The following CACNA2D4 variants were observed in gnomAD, a reference collection of about 807,000 sequenced individuals.
The protein encoded by CACNA2D4 is calcium voltage-gated channel auxiliary subunit alpha2delta 4.
A neutral mutation model predicts 163.8 loss-of-function variants in CACNA2D4; 157 were observed. The observed-to-expected ratio is 0.96, with a 90% CI of 0.84 to 1.09. The LOEUF (loss-of-function observed/expected upper bound fraction) is 1.09, where lower values mean the gene tolerates loss of function less well. Ranked by LOEUF, CACNA2D4 falls within the 50% of genes least tolerant of loss-of-function variation. The pLI is 0.00. For missense variants in CACNA2D4, 1,410 were observed against 1,479.9 expected (o/e 0.95, Z 0.78); for synonymous variants, 598 against 586.9 (o/e 1.02, Z -0.27).
At chr12:1,831,618 G>A in intron 26 of CACNA2D4, 1 of 1,125,754 alleles carries the variant, frequency 8.9e-7, no homozygotes, top group Non-Finnish European at 1.3e-6. Flanking sequence ...CTGACTCAGA[G>A]AGCAGGCCAG....
rs545376057 is a variant in CACNA2D4 at position 1,795,240 on chromosome 12, A to C, written c.3309+59T>G. 51 of 1,492,648 alleles carry C rather than the reference A, an allele frequency of 3.4e-5. No individual in the cohort carries two copies. In the East Asian group the frequency reaches 8.1e-4, roughly 24 times the overall value. 92.5% of individuals were successfully genotyped at this position (1,492,648 alleles called of 1,614,324 possible). A position where few individuals can be genotyped will look rare whatever the true frequency, so the allele number is the denominator to read the frequency against. Reference sequence around the variant, plus strand: ...CTCCTGTCTGCAGGGGCACAGACCCAGGCACAGAGGGTTTGGGGATGAAAA... The same window carrying C: ...CTCCTGTCTGCAGGGGCACAGACCCCGGCACAGAGGGTTTGGGGATGAAAA... On this transcript the variant is annotated intron_variant, in intron 37 of 37. Coordinates refer to ENST00000382722, the MANE Select transcript of CACNA2D4 (RefSeq NM_172364.5).
At position 1,918,322 on chromosome 12, in the gene CACNA2D4, G is replaced by A. The variant is rs780865376; in HGVS notation, c.152C>T (p.Ser51Leu). 21 of 1,609,604 alleles carry A rather than the reference G, an allele frequency of 1.3e-5. No individual in the cohort carries two copies. The Admixed American group carries it at 2.4e-4, about 18-fold the overall frequency. ...PVAWAFVQKT[S>L]ALLWLLLLGT... ...TAGAAGCAGCAGCCACAGGAGGGCCGAGGTCTTCTGCACAAAGGCCCAGGC... is the reference window on the plus strand; with the variant it reads ...TAGAAGCAGCAGCCACAGGAGGGCCAAGGTCTTCTGCACAAAGGCCCAGGC... The change falls in exon 1 of 38, where the codon TCG becomes TTG. Residue 51 changes from serine (S) to leucine (L), a missense_variant. By Grantham distance (145) the Ser-to-Leu change is moderately radical. Coordinates refer to ENST00000382722, the MANE Select transcript of CACNA2D4 (RefSeq NM_172364.5).
rs1433945931 is a variant in CACNA2D4 at position 1,828,042 on chromosome 12, G to A, written c.2551+12697C>T. 3.8e-5 allele frequency: 41 copies of A among 1,079,014 alleles called. No individual in the cohort carries two copies. Among genetic ancestry groups the A allele is most frequent in the East Asian group, 9.0e-5 (3 of 33,414 alleles). The allele number at this position is 1,079,014 out of a possible 1,614,324, so 66.8% of individuals were successfully genotyped here. A position where few individuals can be genotyped will look rare whatever the true frequency, so the allele number is the denominator to read the frequency against. On this transcript the variant is annotated intron_variant, in intron 26 of 37. Transcript: ENST00000382722. The surrounding 1 kb of genome is among the most constrained non-coding windows in gnomAD (Gnocchi z 4.2). ...CCCTGGGCTGGAACGGGGCTCCCGC[G>A]CCTGCCTGTGCTCAGTGCTCCTCCC...
In CACNA2D4 at chr12:1,834,306, A is replaced by T. The variant is rs758974643; in HGVS notation, c.2551+6433T>A. On this transcript the variant is annotated intron_variant, in intron 26 of 37. Coordinates refer to ENST00000382722, the MANE Select transcript of CACNA2D4 (RefSeq NM_172364.5). This position sits in a 1 kb window ranked among gnomAD's most constrained non-coding sequence, Gnocchi z 7.6. The stretch of plus-strand genomic sequence containing the variant: ...CAGCTTGCCTGCACCCTGCCCAAGG[A>T]GCTGAGGGGGAAGGACATGCGGATG... 1.9e-6 allele frequency: 3 copies of T among 1,604,762 alleles called. No individual in the cohort carries two copies. Among genetic ancestry groups the T allele is most frequent in the Non-Finnish European group, 2.6e-6 (3 of 1,174,780 alleles).
At chr12:1,893,008 G>A (rs1019495717) in intron 6 of CACNA2D4, among the ~76,000 whole-genome samples, 1 of 152,116 alleles carries the variant, frequency 6.6e-6, no homozygotes, top group Non-Finnish European at 1.5e-5. Context: ...AATATTATTA[G>A]ATCTAAAGGG....
intron 25 of CACNA2D4, among the ~76,000 whole-genome samples, chr12:1,842,118 G>C (rs551859569): frequency 6.6e-6 from 1 of 152,322 alleles, no homozygotes; most frequent in South Asian, 2.1e-4. Flanking sequence ...AGACCCTAAT[G>C]AGGCAGTCTC....
At chr12:1,912,266 G>T (rs1866843755) in intron 3 of CACNA2D4, among the ~76,000 whole-genome samples, 1 of 152,170 alleles carries the variant, frequency 6.6e-6, no homozygotes, top group African/African-American at 2.4e-5. Flanking sequence ...CACTGGTCTT[G>T]GATGGTCCGA....
In CACNA2D4 at chr12:1,805,213, G is replaced by A. The variant is rs3741972; in HGVS notation, c.2722-3569C>T. On this transcript the variant is annotated intron_variant, in intron 29 of 37. Transcript: ENST00000382722. ...TGCCTGGCCTTCGAGTCTGGAGGGA[G>A]GCCAGGAGGAGGAGGTCCTGTGAGC... is the stretch of plus-strand genomic sequence containing the variant. Among the ~76,000 whole-genome samples, 11 of 152,314 alleles carry A rather than the reference G, an allele frequency of 7.2e-5. No individual in the cohort carries two copies. The East Asian group carries it at 2.1e-3, about 29-fold the overall frequency.
At chr12:1,831,153 C>T (rs1289637010) in intron 26 of CACNA2D4, 9 of 1,613,962 alleles carry the variant, frequency 5.6e-6, no homozygotes, top group East Asian at 2.2e-5. Context: ...CAGCCTGCAG[C>T]GGTTGGACCT....
intron 6 of CACNA2D4, among the ~76,000 whole-genome samples, chr12:1,907,174 G>C (rs1866679736): frequency 6.6e-6 from 1 of 152,230 alleles, no homozygotes; most frequent in Non-Finnish European, 1.5e-5. Flanking sequence ...ACTTTTCATG[G>C]GACAGGAGCT....
At chr12:1,871,203 CAT>C (rs1405442401) in intron 18 of CACNA2D4, among the ~76,000 whole-genome samples, 4 of 135,888 alleles carry the variant, frequency 2.9e-5, no homozygotes, top group South Asian at 2.4e-4. Flanking sequence ...GGTGTGTGTA[CAT>C]GTGTGTGCTT....
At position 1,793,740 on chromosome 12, in the gene CACNA2D4, C is replaced by T. The variant is rs780254909; in HGVS notation, c.3329G>A (p.Gly1110Asp). ...FHPEENAQDC[G>D]GASDTSASPP... is the part of the protein sequence containing the mutation. ...CGAGGCTGAGGTGTCCGAGGCGCCG[C>T]CGCAGTCCTGGGCATTCTCCTGCGA... The change falls in exon 38 of 38, where the codon GGC becomes GAC. Residue 1110 changes from glycine (G) to aspartate (D), a missense_variant. Coordinates refer to ENST00000382722, the MANE Select transcript of CACNA2D4 (RefSeq NM_172364.5). 1.3e-5 allele frequency: 21 copies of T among 1,613,130 alleles called. No individual in the cohort carries two copies. The highest frequency in any genetic ancestry group is 1.7e-4 in the Middle Eastern group (1 of 5,988).
In CACNA2D4 at chr12:1,811,726, A is replaced by G. The variant is rs754626893; in HGVS notation, c.2552-3T>C. On this transcript the variant is annotated splice_polypyrimidine_tract_variant and splice_region_variant and intron_variant, in intron 26 of 37. Coordinates refer to ENST00000382722, the MANE Select transcript of CACNA2D4 (RefSeq NM_172364.5). ...CAGCTTCATTTGGACGCCCGCGGCTACAGGGCAGAAAGAGAGAGGGCAAGG... is the reference window on the plus strand; with the variant it reads ...CAGCTTCATTTGGACGCCCGCGGCTGCAGGGCAGAAAGAGAGAGGGCAAGG... 40 of 1,558,480 alleles carry G rather than the reference A, an allele frequency of 2.6e-5. No individual in the cohort carries two copies. The East Asian group carries it at 9.4e-4, about 37-fold the overall frequency.
At chr12:1,817,332 G>A (rs1863908224) in intron 26 of CACNA2D4, among the ~76,000 whole-genome samples, 1 of 152,156 alleles carries the variant, frequency 6.6e-6, no homozygotes, top group Non-Finnish European at 1.5e-5. Context: ...GTCCCCTGAT[G>A]CCCAGTCTTG....
rs895524492 is a variant in CACNA2D4, at chr12:1,843,561, G to A, written c.2470+841C>T. ...GCACTCACCTGGTGGAGGGGTGGTG[G>A]AGGGGTGGCTGTGCCATGCACTCTG... On this transcript the variant is annotated intron_variant, in intron 25 of 37. Transcript: ENST00000382722. The surrounding 1 kb of genome is among the most constrained non-coding windows in gnomAD (Gnocchi z 4.6). Among the ~76,000 whole-genome samples the A allele has an allele frequency of 1.3e-5, 2 of 152,198 alleles. No homozygotes were observed. Among genetic ancestry groups the A allele is most frequent in the Non-Finnish European group, 2.9e-5 (2 of 68,032 alleles).
intron 18 of CACNA2D4, among the ~76,000 whole-genome samples, chr12:1,865,386 C>T (rs1275363407): frequency 6.6e-6 from 1 of 152,204 alleles, no homozygotes; most frequent in African/African-American, 2.4e-5. Flanking sequence ...ATGAGCTGGA[C>T]GCTGTCACGT....
Position 1,795,660 on chromosome 12 carries a change from C to G in CACNA2D4, c.3226+8G>C. 6.4e-7 allele frequency: 1 copy of G among 1,573,136 alleles called. No homozygotes were observed. Among genetic ancestry groups the G allele is most frequent in the Non-Finnish European group, 8.7e-7 (1 of 1,143,418 alleles). ...CCACCGCACACATCCCCGAGCATTG[C>G]AGGATATATTTGACTTCTGTCGCCT... On this transcript the variant is annotated splice_region_variant and intron_variant, in intron 36 of 37. Coordinates refer to ENST00000382722, the MANE Select transcript of CACNA2D4 (RefSeq NM_172364.5).
intron 18 of CACNA2D4, among the ~76,000 whole-genome samples, chr12:1,871,693 GGT>G (rs543615693): frequency 1.0e-3 from 153 of 152,118 alleles, no homozygotes; most frequent in South Asian, 1.5e-3. Context: ...ATGTGCTGCT[GGT>G]GTGTGTGTAC....
rs60739615 is a variant in CACNA2D4, at chr12:1,802,015, CTG to C, written c.2722-373_2722-372del. ...TATGAAACTGGATTTGTTTTATATG[CTG>C]TGTGTGTGTGTGTGTGTGTGTGTGT... is the stretch of plus-strand genomic sequence containing the variant. On this transcript the variant is annotated intron_variant, in intron 29 of 37. Coordinates refer to ENST00000382722, the MANE Select transcript of CACNA2D4 (RefSeq NM_172364.5). The surrounding 1 kb of genome is among the most constrained non-coding windows in gnomAD (Gnocchi z 4.7). Among the ~76,000 whole-genome samples, 9,495 of 143,988 alleles carry C rather than the reference CTG, an allele frequency of 0.066. 333 individuals carry two copies. Among genetic ancestry groups the C allele is most frequent in the African/African-American group, 0.11 (4,122 of 38,698 alleles). The allele number at this position is 143,988 out of a possible 152,430, so 94.5% of individuals were successfully genotyped here.
Sources: allele counts gnomAD v4.1 joint callset (sites outside exome capture counted in the v4.1 genomes callset), GRCh38; gene constraint gnomAD v4.1.1; non-coding constraint Gnocchi (gnomAD v3.1); transcripts MANE v1.5; gene names NCBI Gene and HGNC (gene_info 2026-07-23, HGNC 2026-07-21).